The following NCOA3 variants were observed in gnomAD, a reference collection of about 807,000 sequenced individuals.
NCOA3 encodes CBP-interacting protein.
A neutral mutation model predicts 158.8 loss-of-function variants in NCOA3; 51 were observed. The observed-to-expected ratio is 0.32, with a 90% CI of 0.26 to 0.41. NCOA3 has a LOEUF of 0.41. Among genes scored for constraint, NCOA3 ranks in the 10% least tolerant of loss-of-function variants. The pLI, the probability that NCOA3 is intolerant of heterozygous loss-of-function variation, is 1.00. For synonymous variants in NCOA3, 537 were observed against 592.4 expected (o/e 0.91, Z 1.36); for missense variants, 1,510 against 1,746.6 (o/e 0.86, Z 2.41).
In NCOA3 at chr20:47,653,483, A is replaced by T. The variant is rs1186437620; in HGVS notation, c.*66A>T. The T allele has an allele frequency of 6.4e-6, 10 of 1,556,582 alleles. No individual in the cohort carries two copies. Among genetic ancestry groups the T allele is most frequent in the Non-Finnish European group, 8.8e-6 (10 of 1,137,780 alleles). ...ATGACACTGCACTAGGATTATTGGG[A>T]AGGAATCATTGTTCCAGGCATCCAT... is the stretch of plus-strand genomic sequence containing the variant. On this transcript the variant is annotated 3_prime_UTR_variant, in exon 23 of 23. Transcript: ENST00000371998.
intron 17 of NCOA3, 116 bp from the exon 18 acceptor site, chr20:47,646,956 AG>A: frequency 1.2e-6 from 1 of 845,222 alleles, no homozygotes; most frequent in Non-Finnish European, 1.9e-6. Context: ...GCACATAACA[AG>A]CATTTACTTA....
chr20:47,549,287 T>A (rs1432637362), intron 1 of NCOA3, among the ~76,000 whole-genome samples: 2 of 151,688 alleles, frequency 1.3e-5, no homozygotes, highest in Non-Finnish European at 2.9e-5. Context: ...ATTGGGAGGC[T>A]GAGGTGAGAG....
chr20:47,522,514 A>C (rs1335252630), intron 1 of NCOA3, among the ~76,000 whole-genome samples: 3 of 151,578 alleles, frequency 2.0e-5, no homozygotes, highest in African/African-American at 7.3e-5. Flanking sequence ...GGGGGGCTCC[A>C]AAACCAAAAG....
At chr20:47,519,676 C>T (rs986086126) in intron 1 of NCOA3, among the ~76,000 whole-genome samples, 3 of 152,152 alleles carry the variant, frequency 2.0e-5, no homozygotes, top group Non-Finnish European at 4.4e-5. Flanking sequence ...ACCTGTAATT[C>T]TAGCACTTTG....
intron 1 of NCOA3, among the ~76,000 whole-genome samples, chr20:47,568,151 C>T (rs926971681): frequency 6.6e-6 from 1 of 152,190 alleles, no homozygotes; most frequent in Non-Finnish European, 1.5e-5. Context: ...GAAGACCAGG[C>T]AACAAGCTGC....
chr20:47,639,764 T>C lies in NCOA3; in HGVS notation c.2895T>C (p.Ser965=), dbSNP rs1191055887. ...CTATTCCCACATTGCCTCTTCGGTCTAATAGCATACCAGGTGCGAGACCAG... is the reference window on the plus strand; with the variant it reads ...CTATTCCCACATTGCCTCTTCGGTCCAATAGCATACCAGGTGCGAGACCAG... The part of the protein sequence containing the change: ...GGSIPTLPLR[S]NSIPGARPVL... The change falls in exon 15 of 23, where the codon TCT becomes TCC. Residue 965 remains serine, a synonymous_variant. Coordinates refer to ENST00000371998, the MANE Select transcript of NCOA3 (RefSeq NM_181659.3). The C allele has an allele frequency of 1.2e-6, 2 of 1,614,236 alleles. No homozygotes were observed. The highest frequency in any genetic ancestry group is 1.7e-6 in the Non-Finnish European group (2 of 1,180,040).
intron 1 of NCOA3, among the ~76,000 whole-genome samples, chr20:47,520,666 C>A (rs140407500): frequency 1.2e-3 from 176 of 152,180 alleles, no homozygotes; most frequent in Admixed American, 2.7e-3. Flanking sequence ...GATGTCTTGT[C>A]TTGCCTTGCC....
rs555767309 is a variant in NCOA3, at chr20:47,514,220, T to A, written c.-99+12201T>A. Among the ~76,000 whole-genome samples, 19 of 152,134 alleles carry A rather than the reference T, an allele frequency of 1.2e-4. No homozygotes were observed. In the South Asian group the frequency reaches 2.7e-3, roughly 22 times the overall value. On this transcript the variant is annotated intron_variant, in intron 1 of 22. Transcript: ENST00000371998. ...CTTTTATTTTTTTGAATTTTTTTTT[T>A]AATTTATCAACATTTTCTTAATATA... is the stretch of plus-strand genomic sequence containing the variant.
At chr20:47,605,759 G>A (rs2085936978) in intron 2 of NCOA3, among the ~76,000 whole-genome samples, 1 of 152,072 alleles carries the variant, frequency 6.6e-6, no homozygotes, top group African/African-American at 2.4e-5. Context: ...TGTCATGTTT[G>A]AGCGTAACTG....
In NCOA3 at chr20:47,582,915, C is replaced by T. The variant is rs558049778; in HGVS notation, c.-98-268C>T. On this transcript the variant is annotated intron_variant, in intron 1 of 22. Transcript: ENST00000371998. ...GTTCAAGTGATTCTCCTGCTTCAAC[C>T]TCCTGAGTAGTTGGGATTACAGGCG... Among the ~76,000 whole-genome samples, 5 of 152,342 alleles carry T rather than the reference C, an allele frequency of 3.3e-5. No individual in the cohort carries two copies. In the South Asian group the frequency reaches 1.0e-3, roughly 32 times the overall value.
At chr20:47,623,808 G>T in intron 3 of NCOA3, 103 bp from the exon 4 acceptor site, 5 of 977,584 alleles carry the variant, frequency 5.1e-6, no homozygotes, top group Non-Finnish European at 7.3e-6. Flanking sequence ...AAAAAAAAAA[G>T]TAATCATGTA....
intron 1 of NCOA3, among the ~76,000 whole-genome samples, chr20:47,520,680 C>T (rs1193914851): frequency 2.6e-5 from 4 of 151,982 alleles, no homozygotes; most frequent in Non-Finnish European, 4.4e-5. Flanking sequence ...CCTTGCCTGC[C>T]CTGGAAGGCT....
intron 1 of NCOA3, among the ~76,000 whole-genome samples, chr20:47,524,426 A>G (rs907309101): frequency 6.6e-6 from 1 of 152,228 alleles, no homozygotes; most frequent in Non-Finnish European, 1.5e-5. Flanking sequence ...GTTGAAATCC[A>G]TTCCATACCC....
chr20:47,654,244 T>A lies in NCOA3; in HGVS notation c.*827T>A, dbSNP rs1778659785. ...ACGTGTTAGACAAGAACTATGATTT[T>A]TTTTTTTAAAGTACTGGTGTCACCC... On this transcript the variant is annotated 3_prime_UTR_variant, in exon 23 of 23. Coordinates refer to ENST00000371998, the MANE Select transcript of NCOA3 (RefSeq NM_181659.3). 1 of 152,668 alleles carries A rather than the reference T, an allele frequency of 6.6e-6. No individual in the cohort carries two copies. Among genetic ancestry groups the A allele is most frequent in the Admixed American group, 6.5e-5 (1 of 15,286 alleles). The allele number at this position is 152,668 out of a possible 1,614,324, so 9.5% of individuals were successfully genotyped here.
chr20:47,512,457 A>G (rs574735277), intron 1 of NCOA3, among the ~76,000 whole-genome samples: 1 of 151,548 alleles, frequency 6.6e-6, no homozygotes, highest in South Asian at 2.1e-4. Context: ...AGTCCCAGCT[A>G]CTCGGGAGGT....
chr20:47,556,855 A>G (rs58871618), intron 1 of NCOA3, among the ~76,000 whole-genome samples: 1,814 of 152,354 alleles, frequency 0.012, 40 homozygotes, highest in African/African-American at 0.042. Context: ...AAAGTAGAAT[A>G]TATGTGAAAA....
At chr20:47,618,442 T>A (rs1350006704) in intron 2 of NCOA3, among the ~76,000 whole-genome samples, 1 of 142,838 alleles carries the variant, frequency 7.0e-6, no homozygotes, top group Non-Finnish European at 1.5e-5. Context: ...GCAACCTCCA[T>A]CTCCCAGGTT....
intron 1 of NCOA3, among the ~76,000 whole-genome samples, chr20:47,568,128 A>C (rs2146195615): frequency 6.6e-6 from 1 of 152,350 alleles, no homozygotes; most frequent in South Asian, 2.1e-4. Context: ...CAGAAGCTGC[A>C]TTGGTCCTGG....
intron 1 of NCOA3, among the ~76,000 whole-genome samples, chr20:47,510,068 G>T (rs1321506035): frequency 1.3e-5 from 2 of 152,138 alleles, no homozygotes; most frequent in Non-Finnish European, 2.9e-5. Context: ...AGACAGGACT[G>T]TTACCATATT....
Sources: allele counts gnomAD v4.1 joint callset (sites outside exome capture counted in the v4.1 genomes callset), GRCh38; gene constraint gnomAD v4.1.1; transcripts MANE v1.5; gene names NCBI Gene and HGNC (gene_info 2026-07-23, HGNC 2026-07-21).